The following THRB variants were observed in gnomAD, a reference collection of about 807,000 sequenced individuals.
THRB encodes the protein thyroid hormone receptor beta, also known as nuclear receptor subfamily 1 group A member 2.
Under a neutral mutation model 47.8 loss-of-function variants are expected in THRB, and 12 were observed. That is an observed-to-expected ratio of 0.25 (90% CI 0.16 to 0.41). The LOEUF (loss-of-function observed/expected upper bound fraction) is 0.41, where lower values mean the gene tolerates loss of function less well. THRB is among the 10% of genes least tolerant of loss of function. The pLI is 1.00. For synonymous variants in THRB, 218 were observed against 212.2 expected, an observed-to-expected ratio of 1.03 and a Z score of -0.24; for missense variants, 348 against 589.2, an observed-to-expected ratio of 0.59 and a Z score of 4.24.
intron 5 of THRB, among the ~76,000 whole-genome samples, chr3:24,174,475 G>A (rs1575593285): frequency 6.6e-6 from 1 of 152,078 alleles, no homozygotes; most frequent in African/African-American, 2.4e-5. Flanking sequence ...CATCCACCAC[G>A]TTGCAGCTAG....
intron 5 of THRB, among the ~76,000 whole-genome samples, chr3:24,154,806 C>A (rs1559470072): frequency 2.0e-5 from 3 of 152,114 alleles, no homozygotes; most frequent in Non-Finnish European, 4.4e-5. Context: ...AGGTTATACA[C>A]AATTAATCCA....
intron 3 of THRB, among the ~76,000 whole-genome samples, chr3:24,264,245 AG>A (rs2052402509): frequency 6.6e-6 from 1 of 152,108 alleles, no homozygotes; most frequent in Non-Finnish European, 1.5e-5. Flanking sequence ...CTCTCTGCAA[AG>A]CTTCATTTTA....
At chr3:24,253,844 C>T (rs74487957) in intron 3 of THRB, among the ~76,000 whole-genome samples, 5,067 of 152,122 alleles carry the variant, frequency 0.033, 163 homozygotes, top group East Asian at 0.14. Flanking sequence ...AAAACAAACA[C>T]AGCAGAACTT....
At chr3:24,386,354 T>C (rs1326889729) in intron 1 of THRB, among the ~76,000 whole-genome samples, 1 of 152,034 alleles carries the variant, frequency 6.6e-6, no homozygotes, top group African/African-American at 2.4e-5. Flanking sequence ...CCCAACCACC[T>C]CTAGTCCCTC....
chr3:24,270,154 G>A (rs2053173417), intron 3 of THRB, among the ~76,000 whole-genome samples: 1 of 152,094 alleles, frequency 6.6e-6, no homozygotes, highest in Non-Finnish European at 1.5e-5. Context: ...GCAACTCTAA[G>A]GCAGTATTGC....
At chr3:24,238,153 A>G (rs1175972585) in intron 3 of THRB, 11 of 151,996 alleles carry the variant, frequency 7.2e-5, no homozygotes, top group Admixed American at 7.2e-4. Flanking sequence ...ACAGCAGGAA[A>G]AACAACTTCA....
chr3:24,395,124 A>G (rs2066861902), intron 1 of THRB, among the ~76,000 whole-genome samples: 1 of 152,146 alleles, frequency 6.6e-6, no homozygotes, highest in African/African-American at 2.4e-5. Flanking sequence ...ATTAACTCAA[A>G]ATGGATTATA....
At chr3:24,338,033 G>A (rs781302178) in intron 1 of THRB, among the ~76,000 whole-genome samples, 1 of 152,210 alleles carries the variant, frequency 6.6e-6, no homozygotes, top group Non-Finnish European at 1.5e-5. Flanking sequence ...TGCATGGCAA[G>A]TGACAAGCCG....
chr3:24,280,001 G>C (rs549396479), intron 3 of THRB, among the ~76,000 whole-genome samples: 1 of 152,156 alleles, frequency 6.6e-6, no homozygotes, highest in Admixed American at 6.5e-5. Flanking sequence ...TCACCAGATA[G>C]TTAATAGGGT....
At chr3:24,307,084 C>A (rs1032929738) in intron 2 of THRB, among the ~76,000 whole-genome samples, 1 of 151,668 alleles carries the variant, frequency 6.6e-6, no homozygotes, top group African/African-American at 2.4e-5. Context: ...ATGTTACTTT[C>A]TTACTTGGCA....
chr3:24,475,488 T>G (rs1040015692), intron 1 of THRB, among the ~76,000 whole-genome samples: 1 of 152,118 alleles, frequency 6.6e-6, no homozygotes, highest in African/African-American at 2.4e-5. Flanking sequence ...TTTGTGTATG[T>G]GTGTATATAT....
At chr3:24,481,246 T>TG (rs1453962147) in intron 1 of THRB, among the ~76,000 whole-genome samples, 1,770 of 147,764 alleles carry the variant, frequency 0.012, 18 homozygotes, top group East Asian at 0.06. Context: ...TTTTTTTTTT[T>TG]TTTTTTTTTT....
At chr3:24,471,056 T>C (rs1030733728) in intron 1 of THRB, among the ~76,000 whole-genome samples, 1 of 152,278 alleles carries the variant, frequency 6.6e-6, no homozygotes, top group Non-Finnish European at 1.5e-5. Flanking sequence ...CTGAATTTTC[T>C]ACATCCTTCT....
chr3:24,401,799 T>C (rs761904897), intron 1 of THRB, among the ~76,000 whole-genome samples: 1 of 151,978 alleles, frequency 6.6e-6, no homozygotes, highest in Non-Finnish European at 1.5e-5. Flanking sequence ...TTCTGGCTCC[T>C]TGTCAGACCT....
At chr3:24,417,141 C>T (rs1349884492) in intron 1 of THRB, among the ~76,000 whole-genome samples, 1 of 129,642 alleles carries the variant, frequency 7.7e-6, no homozygotes, top group African/African-American at 2.9e-5. Flanking sequence ...CACACACACG[C>T]GCAACGCGTT....
chr3:24,400,675 T>C (rs993359193), intron 1 of THRB, among the ~76,000 whole-genome samples: 8 of 152,056 alleles, frequency 5.3e-5, no homozygotes, highest in African/African-American at 1.2e-4. Flanking sequence ...ATCGTAGGTC[T>C]ATATATATTT....
chr3:24,277,774 C>T (rs1417427099), intron 3 of THRB, among the ~76,000 whole-genome samples: 1 of 152,164 alleles, frequency 6.6e-6, no homozygotes, highest in Non-Finnish European at 1.5e-5. Flanking sequence ...TGCCTTCCCT[C>T]AAGAGCTTTC....
chr3:24,330,415 A>G (rs1409938762), intron 2 of THRB, among the ~76,000 whole-genome samples: 2 of 152,246 alleles, frequency 1.3e-5, no homozygotes, highest in East Asian at 3.8e-4. Context: ...AAGGCAGTTC[A>G]GACATTCAAG....
In THRB at chr3:24,165,457, A is replaced by G. The variant is rs371612400; in HGVS notation, c.284-12967T>C. 4.6e-6 allele frequency: 3 copies of G among 646,940 alleles called. No individual in the cohort carries two copies. In the African/African-American group the frequency reaches 5.4e-5, roughly 12 times the overall value. The allele number at this position is 646,940 out of a possible 1,614,324, so 40.1% of individuals were successfully genotyped here. On this transcript the variant is annotated intron_variant, in intron 5 of 10. Coordinates refer to ENST00000646209, the MANE Select transcript of THRB (RefSeq NM_001354712.2). ...GAGCTGGGCATATACGCAGAGAAGCATACATACATACACATGAAACGCGAA... is the reference window on the plus strand; with the variant it reads ...GAGCTGGGCATATACGCAGAGAAGCGTACATACATACACATGAAACGCGAA...
Sources: allele counts gnomAD v4.1 joint callset (sites outside exome capture counted in the v4.1 genomes callset), GRCh38; gene constraint gnomAD v4.1.1; transcripts MANE v1.5; gene names NCBI Gene and HGNC (gene_info 2026-07-23, HGNC 2026-07-21).